SNX24: variants seen among roughly 807,000 people sequenced by gnomAD.
The protein encoded by SNX24 is sorting nexin-24.
Under a neutral mutation model 28.7 loss-of-function variants are expected in SNX24, and 22 were observed. That is an observed-to-expected ratio of 0.77 (90% CI 0.55 to 1.10). SNX24 has a LOEUF of 1.10. Ranked by LOEUF, SNX24 falls within the 50% of genes least tolerant of loss-of-function variation. The probability of loss-of-function intolerance (pLI) is 0.00; values close to 1 mark genes in which losing one functional copy is unlikely to be tolerated. For missense variants in SNX24, 221 were observed against 201.1 expected, an observed-to-expected ratio of 1.10 and a Z score of -0.60; for synonymous variants, 69 against 71.5, an observed-to-expected ratio of 0.96 and a Z score of 0.18.
intron 5 of SNX24, among the ~76,000 whole-genome samples, chr5:123,025,055 G>T (rs1329057708): frequency 6.6e-6 from 1 of 152,234 alleles, no homozygotes; most frequent in Non-Finnish European, 1.5e-5. Context: ...TTGGATGCGT[G>T]TCTCTGTGAA....
chr5:122,945,628 A>G (rs1340214441), intron 2 of SNX24, among the ~76,000 whole-genome samples: 1 of 152,196 alleles, frequency 6.6e-6, no homozygotes, highest in African/African-American at 2.4e-5. Context: ...CAATACTTAT[A>G]TACAGTTGCA....
At chr5:122,880,889 C>T (rs145005409) in intron 1 of SNX24, among the ~76,000 whole-genome samples, 323 of 152,272 alleles carry the variant, frequency 2.1e-3, no homozygotes, top group African/African-American at 7.2e-3. Context: ...CAGACAGCAC[C>T]GAAATTGCAT....
intron 3 of SNX24, among the ~76,000 whole-genome samples, chr5:122,946,524 G>A (rs1186309317): frequency 6.6e-6 from 1 of 151,966 alleles, no homozygotes; most frequent in African/African-American, 2.4e-5. Context: ...AGTTTTGCGG[G>A]GCTGGTTGGG....
At position 123,008,858 on chromosome 5, in the gene SNX24, T is replaced by C; in HGVS notation, c.*1109T>C. 2 of 981,600 alleles carry C rather than the reference T, an allele frequency of 2.0e-6. No homozygotes were observed. Among genetic ancestry groups the C allele is most frequent in the Non-Finnish European group, 2.4e-6 (2 of 826,016 alleles). The allele number at this position is 981,600 out of a possible 1,614,324, so 60.8% of individuals were successfully genotyped here. A position where few individuals can be genotyped will look rare whatever the true frequency, so the allele number is the denominator to read the frequency against. ...CTTTGAGTAGTAAAGGATAAAAGCA[T>C]ATATACTACCTATATGTATGTGCTG... On this transcript the variant is annotated 3_prime_UTR_variant, in exon 7 of 7. Transcript: ENST00000261369.
chr5:123,001,341 T>C, intron 4 of SNX24, 64 bp from the exon 5 acceptor site: 2 of 1,084,508 alleles, frequency 1.8e-6, no homozygotes, highest in Non-Finnish European at 2.8e-6. Flanking sequence ...TTTTCCTTTG[T>C]TGGCATAAAC....
chr5:122,900,646 A>G (rs999370395), intron 1 of SNX24, among the ~76,000 whole-genome samples: 2 of 152,004 alleles, frequency 1.3e-5, no homozygotes, highest in Non-Finnish European at 2.9e-5. Flanking sequence ...GCACACACCT[A>G]TAGTCCCAGC....
intron 3 of SNX24, among the ~76,000 whole-genome samples, chr5:122,974,658 C>G (rs1355329500): frequency 6.6e-6 from 1 of 152,194 alleles, no homozygotes; most frequent in East Asian, 1.9e-4. Context: ...TGTCATTCTC[C>G]AAAATCCATC....
At chr5:122,989,785 A>C (rs1256438904) in intron 3 of SNX24, among the ~76,000 whole-genome samples, 3 of 152,214 alleles carry the variant, frequency 2.0e-5, no homozygotes, top group Non-Finnish European at 2.9e-5. Flanking sequence ...AATGTCTGTA[A>C]TTTAACTCCC....
intron 1 of SNX24, among the ~76,000 whole-genome samples, chr5:122,903,702 G>C (rs578201606): frequency 2.6e-5 from 4 of 152,048 alleles, no homozygotes; most frequent in Non-Finnish European, 5.9e-5. Flanking sequence ...CTTAAGTTTT[G>C]GTTTACTGTG....
chr5:122,972,384 A>G lies in SNX24; in HGVS notation c.249+26225A>G, dbSNP rs146752030. Among the ~76,000 whole-genome samples the G allele has an allele frequency of 2.1e-3, 313 of 152,290 alleles. 1 individual carries two copies. Among genetic ancestry groups the G allele is most frequent in the African/African-American group, 7.1e-3 (293 of 41,560 alleles). Reference sequence around the variant, plus strand: ...TAGACGCGTGAATCCTGGCTATGAGAGAAGCAGTAGCATATATTGGATGCT... The same window carrying G: ...TAGACGCGTGAATCCTGGCTATGAGGGAAGCAGTAGCATATATTGGATGCT... On this transcript the variant is annotated intron_variant, in intron 3 of 6. Transcript: ENST00000261369.
chr5:122,904,764 AC>A (rs1227894631), intron 1 of SNX24, among the ~76,000 whole-genome samples: 4 of 152,222 alleles, frequency 2.6e-5, no homozygotes, highest in Non-Finnish European at 5.9e-5. Flanking sequence ...AGAAAGCTAA[AC>A]GTTTCACATT....
intron 3 of SNX24, chr5:122,965,508 A>G: frequency 4.4e-6 from 2 of 454,384 alleles, no homozygotes; most frequent in Non-Finnish European, 8.9e-6. Flanking sequence ...TGGAGAAAAG[A>G]TAATTGTGTA....
intron 1 of SNX24, among the ~76,000 whole-genome samples, chr5:122,851,416 C>G (rs940073768): frequency 1.3e-5 from 2 of 152,166 alleles, no homozygotes; most frequent in African/African-American, 4.8e-5. Flanking sequence ...ATCCACATGC[C>G]TCAGCCTCCC....
At chr5:122,939,771 C>T (rs1026830968) in intron 2 of SNX24, among the ~76,000 whole-genome samples, 3 of 152,066 alleles carry the variant, frequency 2.0e-5, no homozygotes, top group African/African-American at 4.8e-5. Context: ...ATCTGCAGTA[C>T]CCCAGATGAT....
chr5:123,010,361 A>G (rs1404322696), downstream of SNX24, among the ~76,000 whole-genome samples: 1 of 151,314 alleles, frequency 6.6e-6, no homozygotes, highest in Non-Finnish European at 1.5e-5. Flanking sequence ...CACAATCTCA[A>G]CTCACTGCAA....
chr5:122,962,421 TACTTC>T (rs1046039590), intron 3 of SNX24, among the ~76,000 whole-genome samples: 1 of 152,252 alleles, frequency 6.6e-6, no homozygotes, highest in Non-Finnish European at 1.5e-5. Context: ...AAATGATATG[TACTTC>T]ACTTAAAATA....
At chr5:123,025,772 G>A (rs756982111) in intron 5 of SNX24, 2 of 1,607,784 alleles carry the variant, frequency 1.2e-6, no homozygotes, top group South Asian at 1.1e-5. Flanking sequence ...GGAAAAAAAT[G>A]TATCAATTTA....
intron 1 of SNX24, among the ~76,000 whole-genome samples, chr5:122,893,374 G>T (rs1273220232): frequency 3.3e-5 from 5 of 151,882 alleles, no homozygotes; most frequent in African/African-American, 1.2e-4. Context: ...TTTCTGCAAG[G>T]ACTCCTGCCT....
chr5:122,966,233 A>G (rs1760707129), intron 3 of SNX24, among the ~76,000 whole-genome samples: 1 of 152,222 alleles, frequency 6.6e-6, no homozygotes. Flanking sequence ...TGCAAACACA[A>G]GAATGTCTAG....
Sources: gnomAD v4.1 joint callset for allele counts (sites outside exome capture counted in the v4.1 genomes callset) on GRCh38, gnomAD v4.1.1 for gene constraint, MANE v1.5 for transcripts, NCBI Gene and HGNC (gene_info 2026-07-23, HGNC 2026-07-21) for gene names.